The following PHKA1 variants were observed in gnomAD, a reference collection of about 807,000 sequenced individuals.
PHKA1 encodes the protein phosphorylase b kinase regulatory subunit alpha, skeletal muscle isoform.
In PHKA1, 60 loss-of-function variants were observed where a neutral mutation model predicts 110.2. The ratio of observed to expected loss-of-function variants is 0.54; its 90% confidence interval spans 0.44 to 0.68. The LOEUF (loss-of-function observed/expected upper bound fraction) is 0.68. Ranked by LOEUF, PHKA1 falls within the 30% of genes least tolerant of loss-of-function variation. The pLI, the probability that PHKA1 is intolerant of heterozygous loss-of-function variation, is 0.00. For synonymous variants in PHKA1, 316 were observed against 333.6 expected (o/e 0.95, Z 0.58); for missense variants, 801 against 942.5 (o/e 0.85, Z 1.97).
intron 7 of PHKA1, among the ~76,000 whole-genome samples, chrX:72,666,614 T>C (rs1224983050): frequency 8.9e-6 from 1 of 111,816 alleles, no homozygotes; most frequent in Non-Finnish European, 1.9e-5. Context: ...CTATCCTGAT[T>C]CTTAACCAGT....
At chrX:72,615,492 G>C (rs2052879662) in intron 21 of PHKA1, among the ~76,000 whole-genome samples, 2 of 110,474 alleles carry the variant, frequency 1.8e-5, no homozygotes, top group Admixed American at 1.9e-4. Flanking sequence ...AACTCAAAAT[G>C]TTGGGAGGTT....
intron 1 of PHKA1, 107 bp downstream of exon 1, chrX:72,713,696 A>ACACC (rs1411585232): frequency 5.9e-5 from 36 of 609,995 alleles, no homozygotes; most frequent in Non-Finnish European, 9.2e-5. Flanking sequence ...ACACACACAC[A>ACACC]CACACCCACA....
At chrX:72,592,205 C>CA (rs1488007865) in intron 29 of PHKA1, among the ~76,000 whole-genome samples, 1 of 111,996 alleles carries the variant, frequency 8.9e-6, no homozygotes, top group Non-Finnish European at 1.9e-5. Flanking sequence ...AAGTTAGCTG[C>CA]AAAAAAAGCA....
At chrX:72,682,271 C>T (rs1436448445) in intron 5 of PHKA1, among the ~76,000 whole-genome samples, 6 of 96,325 alleles carry the variant, frequency 6.2e-5, no homozygotes, top group East Asian at 4.0e-4. Flanking sequence ...CCAGCCGCCC[C>T]GTCCGGGAGG....
chrX:72,587,862 T>C (rs1175615008), intron 29 of PHKA1, among the ~76,000 whole-genome samples: 2 of 111,747 alleles, frequency 1.8e-5, no homozygotes, highest in East Asian at 5.6e-4. Context: ...GGTAAAGGGA[T>C]CAATTCAACA....
chrX:72,597,402 T>G (rs2369215), intron 28 of PHKA1, among the ~76,000 whole-genome samples: 26,005 of 111,191 alleles, frequency 0.23, 5,270 homozygotes, highest in East Asian at 0.67. Flanking sequence ...GAGTCTTTAT[T>G]AGGTTCCTTG....
intron 10 of PHKA1, among the ~76,000 whole-genome samples, chrX:72,655,768 GCC>G (rs1569442590): frequency 2.8e-4 from 31 of 111,225 alleles, no homozygotes; most frequent in Non-Finnish European, 4.9e-4. Context: ...GACTACAGGC[GCC>G]TGCCACCACG....
intron 3 of PHKA1, among the ~76,000 whole-genome samples, chrX:72,701,011 G>T (rs1363025952): frequency 8.9e-6 from 1 of 112,425 alleles, no homozygotes; most frequent in Non-Finnish European, 1.9e-5. Flanking sequence ...AAGATTTGGA[G>T]CATATTTATT....
intron 16 of PHKA1, among the ~76,000 whole-genome samples, chrX:72,631,465 C>T (rs1249253458): frequency 1.8e-5 from 2 of 111,318 alleles, no homozygotes; most frequent in Non-Finnish European, 3.8e-5. Flanking sequence ...AGAGTCCCCA[C>T]TCAGTCTCTG....
intron 10 of PHKA1, among the ~76,000 whole-genome samples, chrX:72,654,395 CCT>C (rs1346934954): frequency 9.0e-6 from 1 of 111,671 alleles, no homozygotes; most frequent in Non-Finnish European, 1.9e-5. Context: ...CATGCCTTGC[CCT>C]CTCTTCAGTT....
At position 72,650,413 on chromosome X, in the gene PHKA1, G is replaced by A. The variant is rs555204115; in HGVS notation, c.1301C>T (p.Pro434Leu). 35 of 1,207,523 alleles carry A rather than the reference G, an allele frequency of 2.9e-5. No individual in the cohort carries two copies. In the South Asian group the frequency reaches 4.1e-4, roughly 14 times the overall value. Residue 434 changes from proline to leucine, a missense_variant, in exon 13 of 32, where the codon CCG becomes CTG. Around this residue, in one of 2 missense-constraint regions of PHKA1, gnomAD observed 299 missense variants for 423.3 expected, o/e 0.71. Transcript: ENST00000373542. Reference protein sequence around the residue: ...DPLNRRFSTVPKPDVVVQVSI... With the variant: ...DPLNRRFSTVLKPDVVVQVSI... ...ACCTTGAACCACAACATCGGGCTTC[G>A]GTACAGTAGAAAACCTGCGATTCAG...
chrX:72,609,581 C>G (rs1405473397), intron 23 of PHKA1, 43 bp downstream of exon 23: 1 of 920,896 alleles, frequency 1.1e-6, no homozygotes, highest in Non-Finnish European at 1.6e-6. Flanking sequence ...AAGTCCACAC[C>G]ACTCCTTCTC....
intron 28 of PHKA1, among the ~76,000 whole-genome samples, chrX:72,601,530 G>A (rs898471299): frequency 9.0e-6 from 1 of 110,903 alleles, no homozygotes; most frequent in Non-Finnish European, 1.9e-5. Flanking sequence ...AGAAGATGAG[G>A]AGCCTGATCA....
At chrX:72,623,415 A>C (rs2053008346) in intron 17 of PHKA1, 140 bp from the exon 18 acceptor site, 1 of 472,745 alleles carries the variant, frequency 2.1e-6, no homozygotes, top group Admixed American at 3.7e-5. Context: ...TTTTATAAAA[A>C]TAAAATTTTA....
At chrX:72,694,712 T>A (rs2054085485) in intron 4 of PHKA1, among the ~76,000 whole-genome samples, 1 of 112,121 alleles carries the variant, frequency 8.9e-6, no homozygotes, top group Admixed American at 9.5e-5. Flanking sequence ...ATTTGTTGAA[T>A]GAATGGCTAT....
At chrX:72,628,682 C>T (rs1229981504) in intron 16 of PHKA1, among the ~76,000 whole-genome samples, 4 of 106,825 alleles carry the variant, frequency 3.7e-5, no homozygotes, top group African/African-American at 6.8e-5. Context: ...CTCCGCCTCC[C>T]GGGTTCAAGT....
intron 6 of PHKA1, 30 bp downstream of exon 6, chrX:72,676,040 T>C: frequency 2.8e-5 from 30 of 1,089,031 alleles, no homozygotes; most frequent in Non-Finnish European, 3.8e-5. Context: ...CCTCATCCCA[T>C]ACTTAGTACA....
chrX:72,650,960 C>T (rs1326501295), intron 12 of PHKA1, among the ~76,000 whole-genome samples: 2 of 111,943 alleles, frequency 1.8e-5, no homozygotes, highest in Admixed American at 9.4e-5. Flanking sequence ...GCAATCCTCC[C>T]GCTTTGGCCT....
chrX:72,635,161 T>C lies in PHKA1; in HGVS notation c.1708A>G (p.Met570Val). The C allele has an allele frequency of 3.3e-6, 4 of 1,211,869 alleles. No homozygotes were observed. In the South Asian group the frequency reaches 7.0e-5, roughly 21 times the overall value. The change falls in exon 16 of 32, where the codon ATG (methionine) becomes GTG (valine). Residue 570 changes from methionine (M) to valine (V), a missense_variant. Around this residue, in one of 2 missense-constraint regions of PHKA1, gnomAD observed 502 missense variants for 519.2 expected, o/e 0.97. Coordinates refer to ENST00000373542, the MANE Select transcript of PHKA1 (RefSeq NM_002637.4). ...PTITFPISHS[M>V]LDEDGTSLNS... Reference sequence around the variant, plus strand: ...TGCCTCATGCAGCCCTTACCAAGCATGCTGTGTGAGATGGGGAAGGTGATG... The same window carrying C: ...TGCCTCATGCAGCCCTTACCAAGCACGCTGTGTGAGATGGGGAAGGTGATG...
Sources: allele counts gnomAD v4.1 joint callset (sites outside exome capture counted in the v4.1 genomes callset), GRCh38; gene constraint gnomAD v4.1.1; regional missense constraint gnomAD v4.1.1; transcripts MANE v1.5; gene names NCBI Gene and HGNC (gene_info 2026-07-23, HGNC 2026-07-21).